The following IRAG2 variants were observed in gnomAD, a reference collection of about 807,000 sequenced individuals.
IRAG2 encodes lymphoid restricted membrane protein.
In IRAG2, 45 loss-of-function variants were observed where a neutral mutation model predicts 69.9. The ratio of observed to expected loss-of-function variants is 0.64; its 90% CI spans 0.51 to 0.83. IRAG2 has a LOEUF of 0.83. Ranked by LOEUF, IRAG2 falls within the 40% of genes least tolerant of loss-of-function variation. The pLI is 0.00. For synonymous variants in IRAG2, 193 were observed against 202.4 expected (o/e 0.95, Z 0.40); for missense variants, 520 against 587.0 (o/e 0.89, Z 1.18).
At chr12:25,090,417 T>C (rs1319323281) in intron 14 of IRAG2, among the ~76,000 whole-genome samples, 2 of 149,252 alleles carry the variant, frequency 1.3e-5, no homozygotes, top group African/African-American at 4.9e-5. Context: ...TGATGATGTG[T>C]GCCTGTAGTC....
Position 25,106,930 on chromosome 12 carries a change from C to T in IRAG2, c.1149-13C>T, listed in dbSNP as rs779148908. On this transcript the variant is annotated splice_polypyrimidine_tract_variant and intron_variant, in intron 20 of 21. Coordinates refer to ENST00000556887, the MANE Select transcript of IRAG2 (RefSeq NM_001366544.2). ...CCTTAGTTTCAAATATTAAAAACAA[C>T]ATTTATTTACAGAACTAAAGATGAC... 26 of 1,338,682 alleles carry T rather than the reference C, an allele frequency of 1.9e-5. No homozygotes were observed. The highest frequency in any genetic ancestry group is 2.5e-5 in the Non-Finnish European group (24 of 957,872). 82.9% of individuals were successfully genotyped at this position (1,338,682 alleles called of 1,614,324 possible). A position where few individuals can be genotyped will look rare whatever the true frequency, so the allele number is the denominator to read the frequency against.
rs916442372 is a variant in IRAG2 at position 25,017,699 on chromosome 12, T to C, written c.1214+407T>C. On this transcript the variant is annotated intron_variant, in intron 6 of 38. Transcript: ENST00000636465. The stretch of plus-strand genomic sequence containing the variant: ...TGCCACTGCATTCCAGCTTAGGTGA[T>C]AGAGCAAGACTCTGTCTCAAAAAAA... 4.7e-5 allele frequency among the ~76,000 whole-genome samples: 7 copies of C among 149,702 alleles called. No individual in the cohort carries two copies. In the East Asian group the frequency reaches 1.2e-3, roughly 25 times the overall value.
At chr12:25,000,980 GA>G (rs1944387754), upstream of IRAG2, among the ~76,000 whole-genome samples, 1 of 152,220 alleles carries the variant, frequency 6.6e-6, no homozygotes, top group South Asian at 2.1e-4. Context: ...TTAGACAGAA[GA>G]GACAGGAGAT....
chr12:25,050,749 G>A (rs1347952934), upstream of IRAG2, among the ~76,000 whole-genome samples: 1 of 152,082 alleles, frequency 6.6e-6, no homozygotes, highest in East Asian at 1.9e-4. Context: ...CGGATGATTG[G>A]ATAAAGAAAA....
chr12:25,028,964 CAT>C (rs1944647604), intron 9 of IRAG2, among the ~76,000 whole-genome samples: 1 of 152,224 alleles, frequency 6.6e-6, no homozygotes, highest in African/African-American at 2.4e-5. Context: ...GTGGCATTAT[CAT>C]AGTTCACTGC....
At chr12:25,055,809 A>T (rs2139919530) in intron 1 of IRAG2, among the ~76,000 whole-genome samples, 1 of 152,220 alleles carries the variant, frequency 6.6e-6, no homozygotes, top group Middle Eastern at 3.4e-3. Flanking sequence ...AATTTTTAAA[A>T]GCTTATAGGA....
upstream of IRAG2, chr12:25,004,255 T>G: frequency 1.0e-6 from 1 of 965,410 alleles, no homozygotes. Context: ...GCTAAATTAT[T>G]GTTAGGAAAA....
the IRAG2 span, among the ~76,000 whole-genome samples, chr12:24,998,222 C>G: frequency 1.3e-5 from 2 of 152,194 alleles, no homozygotes; most frequent in African/African-American, 2.4e-5. Flanking sequence ...TTATAGTAAG[C>G]TTGGTGTGAC....
upstream of IRAG2, among the ~76,000 whole-genome samples, chr12:25,049,250 T>C (rs1944821313): frequency 6.6e-6 from 1 of 152,236 alleles, no homozygotes; most frequent in Admixed American, 6.5e-5. Flanking sequence ...TCCATATGAA[T>C]TTTTAAATAG....
exon 1 of IRAG2, chr12:25,004,467 A>C (rs1442203854): frequency 8.1e-7 from 1 of 1,232,106 alleles, no homozygotes; most frequent in East Asian, 3.2e-5. Context: ...TCAAATACCA[A>C]TCTAGCAGTT....
intron 6 of IRAG2, among the ~76,000 whole-genome samples, chr12:25,020,338 T>G (rs1944567990): frequency 6.6e-6 from 1 of 152,264 alleles, no homozygotes. Flanking sequence ...TGTTTAGTTG[T>G]CATCTCCCTC....
At chr12:25,092,163 G>T (rs981908733) in intron 14 of IRAG2, among the ~76,000 whole-genome samples, 15 of 151,688 alleles carry the variant, frequency 9.9e-5, no homozygotes, top group Admixed American at 2.0e-4. Flanking sequence ...TACTTGGGAG[G>T]CTGAGGCAGG....
intron 10 of IRAG2, among the ~76,000 whole-genome samples, chr12:25,031,941 C>T (rs1282164360): frequency 3.3e-5 from 5 of 152,268 alleles, no homozygotes; most frequent in South Asian, 4.1e-4. Context: ...GGATTACAGT[C>T]GTGAGCCACC....
chr12:25,060,277 T>C (rs1037350194), intron 1 of IRAG2, among the ~76,000 whole-genome samples: 5 of 152,204 alleles, frequency 3.3e-5, no homozygotes, highest in African/African-American at 1.2e-4. Flanking sequence ...TTTTCTGGTT[T>C]TGGCTATGTT....
chr12:25,054,133 T>C (rs1056578737), intron 1 of IRAG2, among the ~76,000 whole-genome samples: 1 of 152,200 alleles, frequency 6.6e-6, no homozygotes, highest in Non-Finnish European at 1.5e-5. Flanking sequence ...CATATTATTG[T>C]CATAATTTTT....
chr12:25,016,661 G>A (rs1395999055), intron 5 of IRAG2, among the ~76,000 whole-genome samples: 1 of 151,950 alleles, frequency 6.6e-6, no homozygotes, highest in Non-Finnish European at 1.5e-5. Flanking sequence ...TACTCTGGAG[G>A]CTGAGGCAGG....
rs752020339 is a variant in IRAG2, at chr12:25,107,005, T to C, written c.1211T>C (p.Leu404Pro). 1.9e-6 allele frequency: 3 copies of C among 1,608,524 alleles called. No individual in the cohort carries two copies. The highest frequency in any genetic ancestry group is 1.7e-5 in the Admixed American group (1 of 59,532). Residue 404 changes from leucine (L) to proline (P), a missense_variant, in exon 21 of 22, where the codon CTT becomes CCT. Coordinates refer to ENST00000556887, the MANE Select transcript of IRAG2 (RefSeq NM_001366544.2). Reference protein sequence around the residue: ...ETVERTRKPSLSEKKNNPSKW... With the variant: ...ETVERTRKPSPSEKKNNPSKW... Reference sequence around the variant, plus strand: ...GTAGAAAGGACAAGGAAGCCAAGTCTTTCTGAAAAGAAAAATAATCCATCA... The same window carrying C: ...GTAGAAAGGACAAGGAAGCCAAGTCCTTCTGAAAAGAAAAATAATCCATCA...
intron 20 of IRAG2, among the ~76,000 whole-genome samples, chr12:25,106,032 A>C (rs1292381271): frequency 6.6e-6 from 1 of 152,088 alleles, no homozygotes; most frequent in Non-Finnish European, 1.5e-5. Flanking sequence ...CAGTCAATCA[A>C]TTGCTATTTC....
At chr12:25,085,315 G>C (rs1947499728) in intron 10 of IRAG2, among the ~76,000 whole-genome samples, 1 of 152,196 alleles carries the variant, frequency 6.6e-6, no homozygotes, top group Non-Finnish European at 1.5e-5. Flanking sequence ...TGGATGCGGA[G>C]CCAGAAGGGG....
Sources: allele counts gnomAD v4.1 joint callset (sites outside exome capture counted in the v4.1 genomes callset), GRCh38; gene constraint gnomAD v4.1.1; transcripts MANE v1.5; gene names NCBI Gene and HGNC (gene_info 2026-07-23, HGNC 2026-07-21).